ABCC3: variants seen among roughly 807,000 people sequenced by gnomAD.
The protein encoded by ABCC3 is ATP-binding cassette sub-family C member 3.
In ABCC3, 121 loss-of-function variants were observed where a neutral mutation model predicts 165.3. That is an observed-to-expected ratio of 0.73 (90% confidence interval 0.63 to 0.85). The LOEUF is 0.85. ABCC3 is among the 40% of genes least tolerant of loss of function. ABCC3 has a pLI of 0.00. For missense variants in ABCC3, 1,869 were observed against 1,964.1 expected, an observed-to-expected ratio of 0.95 and a Z score of 0.92; for synonymous variants, 733 against 810.1, an observed-to-expected ratio of 0.90 and a Z score of 1.62.
intron 26 of ABCC3, among the ~76,000 whole-genome samples, chr17:50,680,573 A>G (rs1440253485): frequency 6.6e-6 from 1 of 151,872 alleles, no homozygotes; most frequent in Non-Finnish European, 1.5e-5. Context: ...GGGACTCCCA[A>G]TCCCATGACC....
intron 6 of ABCC3, 71 bp downstream of exon 6, chr17:50,658,567 C>T (rs1238624184): frequency 6.6e-7 from 1 of 1,525,014 alleles, no homozygotes; most frequent in African/African-American, 1.4e-5. Flanking sequence ...GAAAGGGGAG[C>T]AGGGCAGCAG....
intron 29 of ABCC3, 130 bp from the exon 30 acceptor site, chr17:50,687,406 G>A: frequency 2.3e-6 from 2 of 854,776 alleles, no homozygotes; most frequent in Non-Finnish European, 3.6e-6. Context: ...GGGCTGGGCT[G>A]TGGCAGAAAT....
intron 1 of ABCC3, among the ~76,000 whole-genome samples, chr17:50,638,035 C>T (rs1170051628): frequency 1.3e-5 from 2 of 152,242 alleles, no homozygotes; most frequent in Non-Finnish European, 2.9e-5. Context: ...ATCCTTCTCT[C>T]TCTCACCCAT....
At chr17:50,644,051 G>A (rs920284099) in intron 1 of ABCC3, among the ~76,000 whole-genome samples, 34 of 152,082 alleles carry the variant, frequency 2.2e-4, no homozygotes, top group African/African-American at 8.2e-4. Context: ...AGTGGCTCAC[G>A]CCTGAAATCC....
At chr17:50,673,985 T>TTTCCTTCCTTCCTTC (rs1967730833) in intron 19 of ABCC3, among the ~76,000 whole-genome samples, 2 of 4,132 alleles carry the variant, frequency 4.8e-4, no homozygotes, top group African/African-American at 1.5e-3. Context: ...TCTTTCTCTC[T>TTTCCTTCCTTCCTTC]CTCTCTCTCT....
At chr17:50,680,021 A>T in intron 26 of ABCC3, 122 bp downstream of exon 26, 1 of 693,102 alleles carries the variant, frequency 1.4e-6, no homozygotes, top group Non-Finnish European at 2.6e-6. Flanking sequence ...TCATTTACCC[A>T]TTCACTCCTT....
chr17:50,641,102 C>T (rs2054227448), intron 1 of ABCC3, among the ~76,000 whole-genome samples: 1 of 152,320 alleles, frequency 6.6e-6, no homozygotes, highest in East Asian at 1.9e-4. Flanking sequence ...CCGGGGTCCT[C>T]ACCCCCCGCC....
rs1480409659 is a variant in ABCC3 at position 50,672,703 on chromosome 17, AAAAAT to A, written c.2242-263_2242-259del. 7.1e-4 allele frequency among the ~76,000 whole-genome samples: 108 copies of A among 152,188 alleles called. 1 individual carries two copies. The highest frequency in any genetic ancestry group is 3.9e-4 in the East Asian group (2 of 5,176). ...AACATATGGAGATTCTGTCTCTATA[AAAAAT>A]AAAACATTTTAGTCAGTAGCCAGGC... On this transcript the variant is annotated intron_variant, in intron 17 of 30. Transcript: ENST00000285238.
At chr17:50,677,576 C>T (rs537721425) in intron 23 of ABCC3, among the ~76,000 whole-genome samples, 168 bp from the exon 24 acceptor site, 1 of 152,116 alleles carries the variant, frequency 6.6e-6, no homozygotes, top group African/African-American at 2.4e-5. Context: ...AATGACACAT[C>T]AAGGCCCCAA....
chr17:50,673,934 TTC>T (rs1967712210), intron 19 of ABCC3, among the ~76,000 whole-genome samples: 1 of 14,998 alleles, frequency 6.7e-5, no homozygotes, highest in Non-Finnish European at 1.3e-4. Flanking sequence ...CTTTCTTTCT[TTC>T]TTTCTTTCTT....
chr17:50,649,111 CAAA>C (rs575758407), intron 1 of ABCC3, among the ~76,000 whole-genome samples: 9 of 100,166 alleles, frequency 9.0e-5, no homozygotes, highest in East Asian at 3.6e-4. Context: ...GACTCCATCT[CAAA>C]AAAAAAAAAA....
At position 50,668,026 on chromosome 17, in the gene ABCC3, C is replaced by A. The variant is rs1487856038; in HGVS notation, c.1782+17C>A. 2.5e-6 allele frequency: 4 copies of A among 1,608,148 alleles called. No individual in the cohort carries two copies. The Admixed American group carries it at 5.0e-5, about 20-fold the overall frequency. ...CTGACTCAGGTAACCCTGGGTAGGG[C>A]TGGGGGCTCTACTGGAGTTGGAACA... On this transcript the variant is annotated intron_variant, in intron 13 of 30. Transcript: ENST00000285238.
intron 29 of ABCC3, among the ~76,000 whole-genome samples, chr17:50,685,088 T>C (rs184941117): frequency 1.8e-4 from 27 of 152,264 alleles, no homozygotes; most frequent in African/African-American, 6.3e-4. Flanking sequence ...ATGATCCCAC[T>C]TCACCGGTCA....
Position 50,669,421 on chromosome 17 carries a change from G to A in ABCC3, c.2134G>A (p.Gly712Ser), listed in dbSNP as rs763071887. ...NCTLQENVLF[G>S]KALNPKRYQQ... ...CACTCTTCAGGAAAACGTGCTTTTC[G>A]GCAAAGCCCTGAACCCCAAGCGCTA... The change falls in exon 17 of 31, where the codon GGC (glycine) becomes AGC (serine). Residue 712 changes from glycine to serine, a missense_variant. Gly to Ser is a moderately conservative substitution (Grantham distance 56). Transcript: ENST00000285238. 24 of 1,614,100 alleles carry A rather than the reference G, an allele frequency of 1.5e-5. No individual in the cohort carries two copies. Among genetic ancestry groups the A allele is most frequent in the South Asian group, 3.3e-5 (3 of 91,084 alleles).
rs373017068 is a variant in ABCC3, at chr17:50,691,133, C to T, written c.4517C>T (p.Ser1506Phe). The T allele has an allele frequency of 1.7e-5, 27 of 1,614,046 alleles. No individual in the cohort carries two copies. In the Admixed American group the frequency reaches 3.8e-4, roughly 23 times the overall value. ...AAAGGAGTAGTAGCTGAATTTGATTCTCCAGCCAACCTCATTGCAGCTAGA... is the reference window on the plus strand; with the variant it reads ...AAAGGAGTAGTAGCTGAATTTGATTTTCCAGCCAACCTCATTGCAGCTAGA... The part of the protein sequence containing the change: ...LDKGVVAEFD[S>F]PANLIAARGI... The change falls in exon 31 of 31, where the codon TCT (serine) becomes TTT (phenylalanine). Residue 1506 changes from serine (S) to phenylalanine (F), a missense_variant. Physicochemically the swap from Ser to Phe is radical, Grantham distance 155 (BLOSUM62 -2). Coordinates refer to ENST00000285238, the MANE Select transcript of ABCC3 (RefSeq NM_003786.4).
intron 19 of ABCC3, among the ~76,000 whole-genome samples, chr17:50,673,949 T>C (rs1206654220): frequency 4.0e-4 from 7 of 17,414 alleles, no homozygotes; most frequent in South Asian, 2.3e-3. Flanking sequence ...TCTTTCTTTC[T>C]TTCTTTCTTT....
chr17:50,675,791 A>T lies in ABCC3; in HGVS notation c.2859+16A>T. The T allele has an allele frequency of 6.3e-7, 1 of 1,580,786 alleles. No individual in the cohort carries two copies. Among genetic ancestry groups the T allele is most frequent in the East Asian group, 2.3e-5 (1 of 43,286 alleles). ...CATTGGCACTGTGAGTCGGTGGGGC[A>T]AGAGGGGCTGGAGGGGATGGACAGG... is the stretch of plus-strand genomic sequence containing the variant. On this transcript the variant is annotated intron_variant, in intron 21 of 30. Coordinates refer to ENST00000285238, the MANE Select transcript of ABCC3 (RefSeq NM_003786.4).
rs929554071 is a variant in ABCC3, at chr17:50,669,431, T to C, written c.2144T>C (p.Leu715Pro). 4.3e-6 allele frequency: 7 copies of C among 1,614,144 alleles called. No homozygotes were observed. The highest frequency in any genetic ancestry group is 2.7e-5 in the African/African-American group (2 of 74,954). ...LQENVLFGKA[L>P]NPKRYQQTLE... The stretch of plus-strand genomic sequence containing the variant: ...GAAAACGTGCTTTTCGGCAAAGCCC[T>C]GAACCCCAAGCGCTACCAGCAGACT... The change falls in exon 17 of 31, where the codon CTG becomes CCG. Residue 715 changes from leucine to proline, a missense_variant. Physicochemically the swap from Leu to Pro is moderately conservative, Grantham distance 98. Coordinates refer to ENST00000285238, the MANE Select transcript of ABCC3 (RefSeq NM_003786.4).
At chr17:50,662,696 G>C (rs1967420388) in intron 8 of ABCC3, among the ~76,000 whole-genome samples, 1 of 151,280 alleles carries the variant, frequency 6.6e-6, no homozygotes, top group South Asian at 2.1e-4. Flanking sequence ...TGGGGCCACT[G>C]GGGCCCACCC....
Sources: allele counts gnomAD v4.1 joint callset (sites outside exome capture counted in the v4.1 genomes callset), GRCh38; gene constraint gnomAD v4.1.1; transcripts MANE v1.5; gene names NCBI Gene and HGNC (gene_info 2026-07-23, HGNC 2026-07-21).